SMURF2: variants seen among roughly 807,000 people sequenced by gnomAD.
SMURF2 encodes SMAD specific E3 ubiquitin protein ligase 2.
SMURF2 carries 48 observed loss-of-function variants against 109.6 expected under a neutral mutation model. That is an observed-to-expected ratio of 0.44 (90% CI 0.35 to 0.56). The LOEUF (loss-of-function observed/expected upper bound fraction) is 0.56, where lower values mean the gene tolerates loss of function less well. Ranked by LOEUF, SMURF2 falls within the 20% of genes least tolerant of loss-of-function variation. The probability of loss-of-function intolerance (pLI) is 0.01; values close to 1 mark genes in which losing one functional copy is unlikely to be tolerated. For missense variants in SMURF2, 575 were observed against 909.0 expected (o/e 0.63, Z 4.72); for synonymous variants, 288 against 317.1 (o/e 0.91, Z 0.97).
chr17:64,635,700 T>A (rs1970407327), intron 1 of SMURF2, among the ~76,000 whole-genome samples: 1 of 152,238 alleles, frequency 6.6e-6, no homozygotes, highest in African/African-American at 2.4e-5. Flanking sequence ...TGTATAGATA[T>A]GCCATATTTT....
At chr17:64,624,339 A>G (rs1316506831) in intron 1 of SMURF2, among the ~76,000 whole-genome samples, 2 of 150,304 alleles carry the variant, frequency 1.3e-5, no homozygotes, top group South Asian at 4.2e-4. Context: ...TCTATAAAAA[A>G]AAATTTTTTT....
chr17:64,609,853 T>C (rs1970019405), intron 1 of SMURF2, among the ~76,000 whole-genome samples: 1 of 151,824 alleles, frequency 6.6e-6, no homozygotes, highest in Non-Finnish European at 1.5e-5. Flanking sequence ...AGAAAAAATT[T>C]GCAATCTATC....
chr17:64,634,127 C>A (rs1970384073), intron 1 of SMURF2, among the ~76,000 whole-genome samples: 1 of 152,212 alleles, frequency 6.6e-6, no homozygotes, highest in Admixed American at 6.5e-5. Flanking sequence ...GCACTCCAGC[C>A]TGGGCGACAG....
chr17:64,565,456 G>C (rs1346209393), intron 10 of SMURF2, among the ~76,000 whole-genome samples: 3 of 152,100 alleles, frequency 2.0e-5, no homozygotes, highest in Non-Finnish European at 4.4e-5. Flanking sequence ...TGATAAGCAG[G>C]GAAAAGACTC....
chr17:64,629,487 G>C (rs1424265981), intron 1 of SMURF2, among the ~76,000 whole-genome samples: 2 of 152,152 alleles, frequency 1.3e-5, no homozygotes, highest in African/African-American at 2.4e-5. Context: ...CTGGACAACA[G>C]AGAGAGACCC....
chr17:64,647,745 A>G (rs1194173587), intron 1 of SMURF2, among the ~76,000 whole-genome samples: 3 of 151,468 alleles, frequency 2.0e-5, no homozygotes, highest in Non-Finnish European at 2.9e-5. Context: ...TTTCACTTTC[A>G]CTGGTTCAGA....
At chr17:64,551,287 G>A (rs1487642074) in intron 16 of SMURF2, among the ~76,000 whole-genome samples, 4 of 151,872 alleles carry the variant, frequency 2.6e-5, no homozygotes, top group African/African-American at 9.7e-5. Flanking sequence ...AGCCCAGGAG[G>A]TCAAGGCTGC....
At chr17:64,647,582 G>A (rs948885440) in intron 1 of SMURF2, among the ~76,000 whole-genome samples, 3 of 151,894 alleles carry the variant, frequency 2.0e-5, no homozygotes, top group Middle Eastern at 3.4e-3. Context: ...TCCGGAGGCT[G>A]ATGAAGGCAA....
chr17:64,553,527 C>CA (rs782232606), intron 15 of SMURF2, among the ~76,000 whole-genome samples: 84 of 150,874 alleles, frequency 5.6e-4, no homozygotes, highest in Middle Eastern at 6.8e-3. Flanking sequence ...AAAAACAAAA[C>CA]AAAAAACAAA....
intron 12 of SMURF2, among the ~76,000 whole-genome samples, chr17:64,558,387 C>T (rs1969155795): frequency 6.6e-6 from 1 of 151,566 alleles, no homozygotes; most frequent in South Asian, 2.1e-4. Flanking sequence ...TGACAGAGAC[C>T]CTGTCTCAAA....
intron 2 of SMURF2, among the ~76,000 whole-genome samples, chr17:64,606,136 G>A (rs552930537): frequency 1.3e-5 from 2 of 152,154 alleles, no homozygotes; most frequent in South Asian, 4.2e-4. Flanking sequence ...AGAGGTAAGA[G>A]CATCTAGGAT....
At chr17:64,650,783 T>A (rs1359799498) in intron 1 of SMURF2, among the ~76,000 whole-genome samples, 1 of 151,818 alleles carries the variant, frequency 6.6e-6, no homozygotes, top group Non-Finnish European at 1.5e-5. Flanking sequence ...TGAGTGGAGA[T>A]CGTGCCTGGG....
At chr17:64,610,246 TCCATTAC>T (rs1970025422) in intron 1 of SMURF2, among the ~76,000 whole-genome samples, 1 of 152,126 alleles carries the variant, frequency 6.6e-6, no homozygotes, top group South Asian at 2.1e-4. Flanking sequence ...ACCCAGCAAT[TCCATTAC>T]TGGGTATATA....
At chr17:64,632,993 G>A (rs1183937254) in intron 1 of SMURF2, among the ~76,000 whole-genome samples, 1 of 152,210 alleles carries the variant, frequency 6.6e-6, no homozygotes, top group Non-Finnish European at 1.5e-5. Context: ...GGTAGAGGCT[G>A]CATGTGGTGG....
intron 1 of SMURF2, among the ~76,000 whole-genome samples, chr17:64,650,605 CG>C: frequency 6.6e-6 from 1 of 151,830 alleles, no homozygotes; most frequent in East Asian, 1.9e-4. Flanking sequence ...CCGAGGTGGG[CG>C]GATCACTTGA....
At chr17:64,605,323 T>C (rs1053569143) in intron 2 of SMURF2, among the ~76,000 whole-genome samples, 3 of 152,202 alleles carry the variant, frequency 2.0e-5, no homozygotes, top group African/African-American at 7.2e-5. Flanking sequence ...TAAACATTTA[T>C]AACTATATAG....
chr17:64,607,080 T>G (rs1445139120), intron 1 of SMURF2, among the ~76,000 whole-genome samples: 8 of 151,498 alleles, frequency 5.3e-5, no homozygotes, highest in African/African-American at 1.9e-4. Context: ...TCTTTTTTTT[T>G]TTTTTTAAAT....
rs1204284853 is a variant in SMURF2 at position 64,580,906 on chromosome 17, TTGCA to T, written c.651_654del (p.Ala218HisfsTer24). Reference sequence around the variant, plus strand: ...CTGGGATCTGAAGACTGTCCACATGTTGCACCATTTGTTCCACTAATTGGAGTGT... The same window carrying T: ...CTGGGATCTGAAGACTGTCCACATGTCCATTTGTTCCACTAATTGGAGTGT... On this transcript the variant is annotated frameshift_variant, in exon 8 of 19. Coordinates refer to ENST00000262435, the MANE Select transcript of SMURF2 (RefSeq NM_022739.4). LOFTEE classifies it high-confidence loss of function. The T allele has an allele frequency of 1.9e-6, 3 of 1,614,048 alleles. No homozygotes were observed. In the African/African-American group the frequency reaches 4.0e-5, roughly 22 times the overall value.
intron 1 of SMURF2, among the ~76,000 whole-genome samples, chr17:64,615,512 T>G (rs573291808): frequency 6.6e-6 from 1 of 152,324 alleles, no homozygotes; most frequent in South Asian, 2.1e-4. Flanking sequence ...CAGTGGCACA[T>G]GACAGCAATT....
Sources: gnomAD v4.1 joint callset for allele counts (sites outside exome capture counted in the v4.1 genomes callset) on GRCh38, gnomAD v4.1.1 for gene constraint, MANE v1.5 for transcripts, NCBI Gene and HGNC (gene_info 2026-07-23, HGNC 2026-07-21) for gene names.